Variants in NSMCE4A observed in about 807,000 individuals in gnomAD.
NSMCE4A encodes the protein NSE4A component of SMC5/6 complex, also known as non-structural maintenance of chromosomes element 4 homolog A.
NSMCE4A carries 40 observed loss-of-function variants against 47.9 expected under a neutral mutation model. The observed-to-expected ratio is 0.83, with a 90% CI of 0.65 to 1.09. The LOEUF (loss-of-function observed/expected upper bound fraction) is 1.09. Ranked by LOEUF, NSMCE4A falls within the 50% of genes least tolerant of loss-of-function variation. NSMCE4A has a pLI of 0.00. For missense variants in NSMCE4A, 500 were observed against 507.0 expected (o/e 0.99, Z 0.13); for synonymous variants, 166 against 178.5 (o/e 0.93, Z 0.56).
rs7099895 is a variant in NSMCE4A, at chr10:121,957,215, G to A, written c.*57C>T. The A allele has an allele frequency of 1, 152,604 of 152,726 alleles. 76,241 individuals are homozygous for A. Among genetic ancestry groups the A allele is most frequent in the Non-Finnish European group, 1 (68,040 of 68,040 alleles). 9.5% of individuals were successfully genotyped at this position (152,726 alleles called of 1,614,324 possible). A position where few individuals can be genotyped will look rare whatever the true frequency, so the allele number is the denominator to read the frequency against. ...AAATGTTGAATCATACAATATGTACGATACATGCCGCTTTCCGTTTTGGAC... is the reference window on the plus strand; with the variant it reads ...AAATGTTGAATCATACAATATGTACAATACATGCCGCTTTCCGTTTTGGAC... On this transcript the variant is annotated 3_prime_UTR_variant, in exon 11 of 11. Coordinates refer to ENST00000369023, the MANE Select transcript of NSMCE4A (RefSeq NM_017615.3).
Position 121,960,317 on chromosome 10 carries a change from T to C in NSMCE4A, c.988+41A>G. Reference sequence around the variant, plus strand: ...TACTTAAATTCTACTAACAAATATATTTTCTCTAAAACTAATTTTTCCAAA... The same window carrying C: ...TACTTAAATTCTACTAACAAATATACTTTCTCTAAAACTAATTTTTCCAAA... On this transcript the variant is annotated intron_variant, in intron 8 of 10. Coordinates refer to ENST00000369023, the MANE Select transcript of NSMCE4A (RefSeq NM_017615.3). The surrounding 1 kb of genome is among the most constrained non-coding windows in gnomAD (Gnocchi z 4.2). 3 of 1,300,166 alleles carry C rather than the reference T, an allele frequency of 2.3e-6. No homozygotes were observed. The highest frequency in any genetic ancestry group is 3.1e-6 in the Non-Finnish European group (3 of 967,716). The allele number at this position is 1,300,166 out of a possible 1,614,324, so 80.5% of individuals were successfully genotyped here.
At chr10:121,974,539 A>G in intron 1 of NSMCE4A, 1 of 1,011,918 alleles carries the variant, frequency 9.9e-7, no homozygotes. Context: ...GCCCACGCCG[A>G]GGACTGCCGG....
Position 121,960,979 on chromosome 10 carries a change from A to G in NSMCE4A, c.939+444T>C, listed in dbSNP as rs529215319. ...TGGCATATATCCTTTACCCATATTC[A>G]TCAGTCGTTAAAGTGTTAGTTACCA... On this transcript the variant is annotated intron_variant, in intron 7 of 10. Coordinates refer to ENST00000369023, the MANE Select transcript of NSMCE4A (RefSeq NM_017615.3). The surrounding 1 kb of genome is among the most constrained non-coding windows in gnomAD (Gnocchi z 4.2). 6.6e-6 allele frequency among the ~76,000 whole-genome samples: 1 copy of G among 152,170 alleles called. No homozygotes were observed. The highest frequency in any genetic ancestry group is 2.4e-5 in the African/African-American group (1 of 41,432).
At chr10:121,972,302 C>G (rs936133698) in intron 2 of NSMCE4A, among the ~76,000 whole-genome samples, 1 of 151,898 alleles carries the variant, frequency 6.6e-6, no homozygotes, top group Non-Finnish European at 1.5e-5. Context: ...CCAGCCTGGG[C>G]GACAGGTGTA....
chr10:121,969,161 G>A (rs973044517), intron 3 of NSMCE4A, among the ~76,000 whole-genome samples: 10 of 152,254 alleles, frequency 6.6e-5, no homozygotes, highest in African/African-American at 2.4e-4. Flanking sequence ...TGGCCAACAT[G>A]GCGAAACCCC....
chr10:121,967,875 C>G (rs182239410), intron 3 of NSMCE4A, 69 bp from the exon 4 acceptor site: 164 of 1,514,280 alleles, frequency 1.1e-4, no homozygotes, highest in Admixed American at 2.2e-4. Context: ...TCCAATAATC[C>G]GCATCACTCA....
intron 10 of NSMCE4A, among the ~76,000 whole-genome samples, chr10:121,958,762 A>G (rs12255832): frequency 0.13 from 19,856 of 151,508 alleles, 1,528 homozygotes; most frequent in Middle Eastern, 0.17. Context: ...TATTAAAAAC[A>G]AAAACAAAAA....
rs761595014 is a variant in NSMCE4A, at chr10:121,975,073, CCGCGAG to C, written c.87_92del (p.Arg31_Ser32del). The C allele has an allele frequency of 4.1e-5, 60 of 1,448,600 alleles. No homozygotes were observed. The Middle Eastern group carries it at 6.6e-4, about 16-fold the overall frequency. The allele number at this position is 1,448,600 out of a possible 1,614,324, so 89.7% of individuals were successfully genotyped here. On this transcript the variant is annotated inframe_deletion, in exon 1 of 11. Transcript: ENST00000369023. ...GGCGGGACCTGGGCGACAAAGGGGA[CCGCGAG>C]CGGGAGCGGGAGCGGGTGCGATCCC...
intron 2 of NSMCE4A, among the ~76,000 whole-genome samples, chr10:121,973,480 T>C (rs567146337): frequency 8.5e-5 from 13 of 152,246 alleles, no homozygotes; most frequent in African/African-American, 2.6e-4. Context: ...TAGAGTTCAG[T>C]GCTCTGGGAT....
intron 3 of NSMCE4A, among the ~76,000 whole-genome samples, chr10:121,969,376 T>TA (rs1279339313): frequency 6.6e-6 from 1 of 150,524 alleles, no homozygotes. Flanking sequence ...TCTCAAAAAA[T>TA]AAAAAAATAG....
Position 121,960,535 on chromosome 10 carries a change from G to T in NSMCE4A, c.940-129C>A. ...CAAATTACACCATAGCAATAATAAGGTGATGATATAGATAAGACTTCCCTA... is the reference window on the plus strand; with the variant it reads ...CAAATTACACCATAGCAATAATAAGTTGATGATATAGATAAGACTTCCCTA... On this transcript the variant is annotated intron_variant, in intron 7 of 10. Coordinates refer to ENST00000369023, the MANE Select transcript of NSMCE4A (RefSeq NM_017615.3). This position sits in a 1 kb window ranked among gnomAD's most constrained non-coding sequence, Gnocchi z 4.2. 1.7e-6 allele frequency: 1 copy of T among 591,780 alleles called. No individual in the cohort carries two copies. The allele number at this position is 591,780 out of a possible 1,614,324, so 36.7% of individuals were successfully genotyped here.
At chr10:121,971,265 C>T (rs1043611027) in intron 2 of NSMCE4A, among the ~76,000 whole-genome samples, 196 bp from the exon 3 acceptor site, 1 of 152,052 alleles carries the variant, frequency 6.6e-6, no homozygotes, top group African/African-American at 2.4e-5. Context: ...AATCCCAGCA[C>T]TTTGGGAGGC....
In NSMCE4A at chr10:121,967,737, C is replaced by G; in HGVS notation, c.571G>C (p.Glu191Gln). Residue 191 changes from glutamate to glutamine, a missense_variant, in exon 4 of 11, where the codon GAA becomes CAA. Transcript: ENST00000369023. ...TTCCAGGAGTCATAGACTATGAATT[C>G]AAAATCAGGACTATCTTCATCACGG... is the stretch of plus-strand genomic sequence containing the variant. ...LIRDEDSPDF[E>Q]FIVYDSWKIT... 6.2e-7 allele frequency: 1 copy of G among 1,614,148 alleles called. No homozygotes were observed.
intron 10 of NSMCE4A, among the ~76,000 whole-genome samples, chr10:121,958,674 G>A (rs1025738107): frequency 2.6e-5 from 4 of 152,174 alleles, no homozygotes; most frequent in African/African-American, 9.7e-5. Flanking sequence ...ACTTTGGGAA[G>A]CTGAGATGGG....
Position 121,974,933 on chromosome 10 carries a change from T to C in NSMCE4A, c.233A>G (p.Asp78Gly). 1 of 1,533,230 alleles carries C rather than the reference T, an allele frequency of 6.5e-7. No individual in the cohort carries two copies. The highest frequency in any genetic ancestry group is 8.8e-7 in the Non-Finnish European group (1 of 1,142,378). The allele number at this position is 1,533,230 out of a possible 1,614,324, so 95.0% of individuals were successfully genotyped here. Residue 78 changes from aspartate (D) to glycine (G), a missense_variant, in exon 1 of 11, where the codon GAC becomes GGC. Coordinates refer to ENST00000369023, the MANE Select transcript of NSMCE4A (RefSeq NM_017615.3). ...MDPASLEAEA[D>G]QGLCRQIRHQ... is the part of the protein sequence containing the mutation. ...GCGGATCTGGCGGCACAGGCCTTGG[T>C]CGGCCTCCGCCTCCAAGCTGGCCGG...
chr10:121,971,820 G>C (rs1031990430), intron 2 of NSMCE4A, among the ~76,000 whole-genome samples: 8 of 152,178 alleles, frequency 5.3e-5, no homozygotes, highest in Admixed American at 2.0e-4. Flanking sequence ...TAGGTAAGTT[G>C]CTAAAGTTGC....
chr10:121,961,645 C>A, intron 6 of NSMCE4A, 128 bp from the exon 7 acceptor site: 1 of 563,928 alleles, frequency 1.8e-6, no homozygotes. Context: ...TCAATCCAAC[C>A]CTTCTGGAGG....
At chr10:121,966,495 G>A (rs1219341077) in intron 4 of NSMCE4A, 1 of 152,194 alleles carries the variant, frequency 6.6e-6, no homozygotes, top group Admixed American at 6.5e-5. Context: ...ATCCTAAGAT[G>A]AAGAAGTTTG....
In NSMCE4A at chr10:121,959,578, C is replaced by A; in HGVS notation, c.1006G>T (p.Glu336Ter). The part of the protein sequence containing the change: ...LPVIEPVSIN[E>*]ENEGFEHNTQ... ...TTATGTTCAAATCCCTCATTTTCTT[C>A]ATTAATACTAACAGGCTCTGTTTGA... is the stretch of plus-strand genomic sequence containing the variant. Residue 336 changes from glutamate to a stop codon, truncating the protein, a stop_gained, in exon 9 of 11, where the codon GAA becomes TAA. Coordinates refer to ENST00000369023, the MANE Select transcript of NSMCE4A (RefSeq NM_017615.3). LOFTEE classifies it high-confidence loss of function. The A allele has an allele frequency of 6.2e-7, 1 of 1,613,516 alleles. No individual in the cohort carries two copies. The highest frequency in any genetic ancestry group is 8.5e-7 in the Non-Finnish European group (1 of 1,179,430).
Sources: allele counts gnomAD v4.1 joint callset (sites outside exome capture counted in the v4.1 genomes callset), GRCh38; gene constraint gnomAD v4.1.1; non-coding constraint Gnocchi (gnomAD v3.1); transcripts MANE v1.5; gene names NCBI Gene and HGNC (gene_info 2026-07-23, HGNC 2026-07-21).